Variants in KLF12 observed in about 807,000 individuals in gnomAD.
The protein encoded by KLF12 is Krueppel-like factor 12.
A neutral mutation model predicts 37.8 loss-of-function variants in KLF12; 9 were observed. That is an observed-to-expected ratio of 0.24 (90% CI 0.14 to 0.42). The LOEUF is 0.42. Ranked by LOEUF, KLF12 falls within the 10% of genes least tolerant of loss-of-function variation. The pLI, the probability that KLF12 is intolerant of heterozygous loss-of-function variation, is 1.00. For missense variants in KLF12, 411 were observed against 516.0 expected, an observed-to-expected ratio of 0.80 and a Z score of 1.97; for synonymous variants, 208 against 202.1, an observed-to-expected ratio of 1.03 and a Z score of -0.25.
At chr13:74,045,644 T>C (rs1309723227) in intron 1 of KLF12, among the ~76,000 whole-genome samples, 5 of 141,300 alleles carry the variant, frequency 3.5e-5, no homozygotes, top group Admixed American at 7.1e-5. Context: ...AAAAAAAAAA[T>C]AGATCCCCAG....
the KLF12 span, among the ~76,000 whole-genome samples, chr13:74,245,388 T>C: frequency 6.6e-6 from 1 of 152,032 alleles, no homozygotes; most frequent in South Asian, 2.1e-4. Context: ...AAATTAAAGC[T>C]ATGGGAGTAG....
the KLF12 span, among the ~76,000 whole-genome samples, chr13:74,145,500 T>C: frequency 6.6e-6 from 1 of 152,322 alleles, no homozygotes; most frequent in Non-Finnish European, 1.5e-5. Flanking sequence ...TGGCTGTGTC[T>C]GCTGTGAAAA....
the KLF12 span, among the ~76,000 whole-genome samples, chr13:74,192,598 CAGTTTCGTT>C: frequency 6.6e-6 from 1 of 152,076 alleles, no homozygotes; most frequent in Non-Finnish European, 1.5e-5. Context: ...CATGAGAAAT[CAGTTTCGTT>C]AGTTTATATT....
At chr13:73,821,537 A>G (rs1353472421) in intron 4 of KLF12, among the ~76,000 whole-genome samples, 2 of 152,098 alleles carry the variant, frequency 1.3e-5, no homozygotes, top group African/African-American at 4.8e-5. Context: ...CTTTTACCCA[A>G]TGATTATTTT....
intron 6 of KLF12, among the ~76,000 whole-genome samples, chr13:73,742,275 A>T (rs1878057418): frequency 6.6e-6 from 1 of 152,192 alleles, no homozygotes; most frequent in South Asian, 2.1e-4. Context: ...TTACTTAGGA[A>T]AGCAGAAAAT....
At chr13:73,841,192 A>G (rs766366287) in intron 4 of KLF12, among the ~76,000 whole-genome samples, 5 of 152,178 alleles carry the variant, frequency 3.3e-5, no homozygotes, top group Non-Finnish European at 5.9e-5. Context: ...AGGTAAATGC[A>G]CACTGCATAT....
chr13:74,026,200 A>AAAACTTAGCAATAC (rs1468416546), intron 1 of KLF12, among the ~76,000 whole-genome samples: 3 of 152,114 alleles, frequency 2.0e-5, no homozygotes, highest in African/African-American at 7.2e-5. Flanking sequence ...ACTGGGTTCA[A>AAAACTTAGCAATAC]AAACTTAGCA....
intron 2 of KLF12, among the ~76,000 whole-genome samples, chr13:73,991,124 T>C (rs1891958664): frequency 6.6e-6 from 1 of 152,222 alleles, no homozygotes; most frequent in African/African-American, 2.4e-5. Flanking sequence ...CTGAAGTGAC[T>C]TGACAGTAAA....
At chr13:73,704,389 A>T (rs972698174) in intron 7 of KLF12, among the ~76,000 whole-genome samples, 1 of 152,182 alleles carries the variant, frequency 6.6e-6, no homozygotes, top group African/African-American at 2.4e-5. Context: ...CCATCTACTC[A>T]GGTACCAAAT....
intron 3 of KLF12, among the ~76,000 whole-genome samples, chr13:73,927,744 A>C (rs1440694867): frequency 7.3e-6 from 1 of 136,538 alleles, no homozygotes; most frequent in Non-Finnish European, 1.6e-5. Flanking sequence ...CACCCGGCTA[A>C]ATTTTTTTTT....
the KLF12 span, among the ~76,000 whole-genome samples, chr13:74,162,491 G>T: frequency 6.6e-6 from 1 of 152,342 alleles, no homozygotes; most frequent in East Asian, 1.9e-4. Flanking sequence ...TCCTCCAGGA[G>T]TAAATCCCAA....
chr13:74,196,570 G>A, the KLF12 span, among the ~76,000 whole-genome samples: 4 of 152,122 alleles, frequency 2.6e-5, no homozygotes, highest in Non-Finnish European at 5.9e-5. Flanking sequence ...AGAGTCATCT[G>A]AGGATGGTAG....
At chr13:74,101,422 TA>T (rs1876336445) in intron 1 of KLF12, among the ~76,000 whole-genome samples, 1 of 152,130 alleles carries the variant, frequency 6.6e-6, no homozygotes, top group Admixed American at 6.6e-5. Flanking sequence ...AGGGAAAGTT[TA>T]AACTTCCCCA....
rs1401549289 is a variant in KLF12, at chr13:73,689,308, C to T, written c.*6182G>A. ...AAAACAGTGGATGTTTTTTTGAGGC[C>T]TGTGGTCTGAGTCCATCATGGAAGT... is the stretch of plus-strand genomic sequence containing the variant. On this transcript the variant is annotated 3_prime_UTR_variant, in exon 8 of 8. Coordinates refer to ENST00000377669, the MANE Select transcript of KLF12 (RefSeq NM_007249.5). The T allele has an allele frequency of 1.3e-5, 2 of 151,920 alleles. No homozygotes were observed. Among genetic ancestry groups the T allele is most frequent in the African/African-American group, 2.4e-5 (1 of 41,350 alleles). The allele number at this position is 151,920 out of a possible 1,614,324, so 9.4% of individuals were successfully genotyped here.
rs1356318557 is a variant in KLF12, at chr13:74,060,490, G to GTGTGTGTGTGTGTGTGTGCGTC, written c.-31-65438_-31-65437insGACGCACACACACACACACACA. Among the ~76,000 whole-genome samples, 410 of 98,644 alleles carry GTGTGTGTGTGTGTGTGTGCGTC rather than the reference G, an allele frequency of 4.2e-3. 4 individuals carry two copies. Among genetic ancestry groups the GTGTGTGTGTGTGTGTGTGCGTC allele is most frequent in the African/African-American group, 0.013 (386 of 28,594 alleles). The allele number at this position is 98,644 out of a possible 152,430, so 64.7% of individuals were successfully genotyped here. On this transcript the variant is annotated intron_variant, in intron 1 of 7. Transcript: ENST00000377669. ...TTAAATGTATACCTAGGTTTTGTGT[G>GTGTGTGTGTGTGTGTGTGCGTC]TGTGTGTGTGTGTGTGTGTGTGTGT...
At chr13:74,299,009 A>G in the KLF12 span, among the ~76,000 whole-genome samples, 2 of 152,180 alleles carry the variant, frequency 1.3e-5, no homozygotes, top group African/African-American at 2.4e-5. Context: ...AACCAATGCA[A>G]TGGGTAAGTA....
intron 1 of KLF12, among the ~76,000 whole-genome samples, chr13:74,003,668 C>T (rs1168199394): frequency 1.3e-5 from 2 of 151,876 alleles, no homozygotes; most frequent in East Asian, 3.9e-4. Flanking sequence ...ACACTGCTGG[C>T]CAAAGATCAA....
At chr13:74,042,088 T>C (rs1177038417) in intron 1 of KLF12, among the ~76,000 whole-genome samples, 1 of 151,862 alleles carries the variant, frequency 6.6e-6, no homozygotes, top group Non-Finnish European at 1.5e-5. Context: ...TGGATCACTT[T>C]AGGTGAGGAG....
Position 73,846,337 on chromosome 13 carries a change from C to G in KLF12, c.160G>C (p.Val54Leu). Residue 54 changes from valine (V) to leucine (L), a missense_variant, in exon 4 of 8, where the codon GTT (valine) becomes CTT (leucine). Val to Leu is a conservative substitution (Grantham distance 32). Transcript: ENST00000377669. Reference sequence around the variant, plus strand: ...TTCACATTATTTAGCAACAGGGGAACGGCTTCCATATCGGGATAGTTGTGG... The same window carrying G: ...TTCACATTATTTAGCAACAGGGGAAGGGCTTCCATATCGGGATAGTTGTGG... 6.2e-7 allele frequency: 1 copy of G among 1,613,626 alleles called. No homozygotes were observed.
Sources: gnomAD v4.1 joint callset for allele counts (sites outside exome capture counted in the v4.1 genomes callset) on GRCh38, gnomAD v4.1.1 for gene constraint, MANE v1.5 for transcripts, NCBI Gene and HGNC (gene_info 2026-07-23, HGNC 2026-07-21) for gene names.